Variants in CCDC9B observed in about 807,000 individuals in gnomAD.
The protein encoded by CCDC9B is coiled-coil domain-containing protein 9B.
In CCDC9B, 40 loss-of-function variants were observed where a neutral mutation model predicts 47.2. The observed-to-expected ratio is 0.85, with a 90% CI of 0.66 to 1.10. The LOEUF (loss-of-function observed/expected upper bound fraction) is 1.10, where lower values mean the gene tolerates loss of function less well. Among genes scored for constraint, CCDC9B ranks in the 50% least tolerant of loss-of-function variants. The pLI is 0.00. For missense variants in CCDC9B, 662 were observed against 651.0 expected, an observed-to-expected ratio of 1.02 and a Z score of -0.18; for synonymous variants, 238 against 250.7, an observed-to-expected ratio of 0.95 and a Z score of 0.48.
rs1595714002 is a variant in CCDC9B at position 40,338,530 on chromosome 15, C to T, written c.513+5G>A. Reference sequence around the variant, plus strand: ...CCATGTCCCCATCCCCTCTTGAAGACACACCTTCCGTGCAGAATCTGAGCT... The same window carrying T: ...CCATGTCCCCATCCCCTCTTGAAGATACACCTTCCGTGCAGAATCTGAGCT... On this transcript the variant is annotated splice_donor_5th_base_variant and intron_variant, in intron 5 of 10. Coordinates refer to ENST00000397536, the MANE Select transcript of CCDC9B (RefSeq NM_207380.3). 1.4e-5 allele frequency: 22 copies of T among 1,613,302 alleles called. No individual in the cohort carries two copies. In the East Asian group the frequency reaches 4.9e-4, roughly 36 times the overall value.
Position 40,335,196 on chromosome 15 carries a change from G to A in CCDC9B, c.1435C>T (p.Arg479Cys), listed in dbSNP as rs1197986850. 9 of 1,544,984 alleles carry A rather than the reference G, an allele frequency of 5.8e-6. No homozygotes were observed. The highest frequency in any genetic ancestry group is 7.9e-6 in the Non-Finnish European group (9 of 1,144,200). ...QRSRGTAGVR[R>C]RTGRPGPAGR... ...GCCGGGCCAGGGCGCCCTGTCCTGC[G>A]CCTCACACCTGCTGTGCCTCTCGAC... The change falls in exon 11 of 11, where the codon CGC becomes TGC. Residue 479 changes from arginine (R) to cysteine (C), a missense_variant. Transcript: ENST00000397536.
Position 40,334,846 on chromosome 15 carries a change from A to G in CCDC9B, c.*312T>C, listed in dbSNP as rs893532811. 2.0e-5 allele frequency: 5 copies of G among 248,684 alleles called. No individual in the cohort carries two copies. Among genetic ancestry groups the G allele is most frequent in the African/African-American group, 1.1e-4 (5 of 44,924 alleles). The allele number at this position is 248,684 out of a possible 1,614,324, so 15.4% of individuals were successfully genotyped here. A position where few individuals can be genotyped will look rare whatever the true frequency, so the allele number is the denominator to read the frequency against. On this transcript the variant is annotated 3_prime_UTR_variant, in exon 11 of 11. Coordinates refer to ENST00000397536, the MANE Select transcript of CCDC9B (RefSeq NM_207380.3). ...AAGCCTTGTTCTCTCATCATAGTGGAGAAGGCTTGTGGCCTGGGCAGCAGT... is the reference window on the plus strand; with the variant it reads ...AAGCCTTGTTCTCTCATCATAGTGGGGAAGGCTTGTGGCCTGGGCAGCAGT...
intron 3 of CCDC9B, 62 bp from the exon 4 acceptor site, chr15:40,338,965 C>T (rs1286773770): frequency 1.3e-6 from 2 of 1,590,816 alleles, no homozygotes; most frequent in Non-Finnish European, 1.7e-6. Context: ...GTGCTGGGTC[C>T]TCTCGGTGGT....
chr15:40,335,699 C>T lies in CCDC9B; in HGVS notation c.932G>A (p.Gly311Glu), dbSNP rs1888943068. The change falls in exon 11 of 11, where the codon GGA becomes GAA. Residue 311 changes from glycine (G) to glutamate (E), a missense_variant and splice_region_variant. By Grantham distance (98) the Gly-to-Glu change is moderately conservative (BLOSUM62 -2). Coordinates refer to ENST00000397536, the MANE Select transcript of CCDC9B (RefSeq NM_207380.3). ...GGGAGTCTCTCTGGTGCTTTGGCTT[C>T]CCTGAAACAAGAGAATAGCCCCGGT... ...EDKEELEGQE[G>E]SQSTRETPSE... 21 of 1,565,460 alleles carry T rather than the reference C, an allele frequency of 1.3e-5. No homozygotes were observed. Among genetic ancestry groups the T allele is most frequent in the East Asian group, 2.3e-5 (1 of 42,584 alleles).
Position 40,335,575 on chromosome 15 carries a change from C to T in CCDC9B, c.1056G>A (p.Pro352=), listed in dbSNP as rs776942694. Residue 352 remains proline (P), a synonymous_variant, in exon 11 of 11, where the codon CCG becomes CCA. Coordinates refer to ENST00000397536, the MANE Select transcript of CCDC9B (RefSeq NM_207380.3). ...ASPALASPEG[P]KGESVASTAS... is the part of the protein sequence containing the mutation. ...CTGTGGAAGCCACTGACTCCCCCTT[C>T]GGCCCCTCTGGGGATGCCAGGGCTG... 104 of 1,501,706 alleles carry T rather than the reference C, an allele frequency of 6.9e-5. No individual in the cohort carries two copies. Among genetic ancestry groups the T allele is most frequent in the Non-Finnish European group, 8.8e-5 (99 of 1,124,026 alleles). The allele number at this position is 1,501,706 out of a possible 1,614,324, so 93.0% of individuals were successfully genotyped here.
rs370535419 is a variant in CCDC9B, at chr15:40,340,011, G to C, written c.17C>G (p.Thr6Ser). The part of the protein sequence containing the change: MHSAG[T>S]PRAESPMSRQ... ...GCTCATGGGGGACTCGGCTCTGGGAGTTCCCTGCAGAGGCAGGGAACCCAA... is the reference window on the plus strand; with the variant it reads ...GCTCATGGGGGACTCGGCTCTGGGACTTCCCTGCAGAGGCAGGGAACCCAA... Residue 6 changes from threonine (T) to serine (S), a missense_variant, in exon 2 of 11, where the codon ACT (threonine) becomes AGT (serine). Thr to Ser is a moderately conservative substitution (Grantham distance 58). Coordinates refer to ENST00000397536, the MANE Select transcript of CCDC9B (RefSeq NM_207380.3). 5 of 1,609,748 alleles carry C rather than the reference G, an allele frequency of 3.1e-6. No homozygotes were observed. The African/African-American group carries it at 5.3e-5, about 17-fold the overall frequency.
At chr15:40,337,116 T>A (rs748245) in intron 7 of CCDC9B, 511,155 of 621,170 alleles carry the variant, frequency 0.82, 215,471 homozygotes, top group Non-Finnish European at 0.88. Context: ...ACTTTCACCC[T>A]TTAGGGACCT....
At chr15:40,336,064 C>G (rs1048951690) in intron 9 of CCDC9B, 1 of 985,234 alleles carries the variant, frequency 1.0e-6, no homozygotes, top group African/African-American at 1.7e-5. Context: ...GAGGAGGGGC[C>G]TCCACCTCCT....
intron 5 of CCDC9B, chr15:40,338,197 G>T: frequency 1.4e-6 from 1 of 712,608 alleles, no homozygotes; most frequent in South Asian, 1.5e-5. Flanking sequence ...TGGAAGCTGT[G>T]AGCAAGGGCA....
At position 40,340,864 on chromosome 15, in the gene CCDC9B, G is replaced by A; in HGVS notation, c.-45C>T. The A allele has an allele frequency of 7.5e-6, 12 of 1,609,144 alleles. No individual in the cohort carries two copies. The highest frequency in any genetic ancestry group is 1.0e-5 in the Non-Finnish European group (12 of 1,178,522). On this transcript the variant is annotated 5_prime_UTR_variant, in exon 1 of 11. Coordinates refer to ENST00000397536, the MANE Select transcript of CCDC9B (RefSeq NM_207380.3). ...AGAATTCCAGAGCAGCCCCTGGGGA[G>A]CCAGAGTGGGAGGAAAGCTGGAGCC... is the stretch of plus-strand genomic sequence containing the variant.
chr15:40,339,452 C>T lies in CCDC9B; in HGVS notation c.231+60G>A, dbSNP rs907082444. 1.0e-4 allele frequency: 157 copies of T among 1,564,436 alleles called. 1 individual carries two copies. The Admixed American group carries it at 2.1e-3, about 21-fold the overall frequency. On this transcript the variant is annotated intron_variant, in intron 3 of 10. Transcript: ENST00000397536. ...GGGAACAGAGGCAGCTGTCTTTCCCCGACATGGTCTGGGCCTCCACCTCCT... is the reference window on the plus strand; with the variant it reads ...GGGAACAGAGGCAGCTGTCTTTCCCTGACATGGTCTGGGCCTCCACCTCCT...
chr15:40,336,698 C>T, intron 8 of CCDC9B, 34 bp from the exon 9 acceptor site: 3 of 1,604,798 alleles, frequency 1.9e-6, no homozygotes, highest in Non-Finnish European at 2.6e-6. Context: ...AGAGAAGAGG[C>T]CCATAGCAGC....
intron 7 of CCDC9B, 121 bp downstream of exon 7, chr15:40,337,267 T>C (rs1194646545): frequency 2.1e-6 from 2 of 941,788 alleles, no homozygotes; most frequent in Non-Finnish European, 3.4e-6. Context: ...AAGGAAGATG[T>C]TCTCCAACGC....
chr15:40,337,706 C>A lies in CCDC9B; in HGVS notation c.683+18G>T, dbSNP rs1310000686. On this transcript the variant is annotated intron_variant, in intron 6 of 10. Transcript: ENST00000397536. ...TCCATCCCGCACCACAGGCAACCTG[C>A]CCAACCCAGCCACCCACGTGGACTT... The A allele has an allele frequency of 1.3e-6, 2 of 1,577,268 alleles. No homozygotes were observed. The highest frequency in any genetic ancestry group is 1.2e-5 in the South Asian group (1 of 86,492).
In CCDC9B at chr15:40,337,770, G is replaced by A; in HGVS notation, c.637C>T (p.Gln213Ter). The A allele has an allele frequency of 6.2e-7, 1 of 1,609,628 alleles. No homozygotes were observed. Among genetic ancestry groups the A allele is most frequent in the East Asian group, 2.2e-5 (1 of 44,878 alleles). ...TCCCACGGGCGGCGCCAGTCACCCTGTGCGTCTCTGTGCCGGGCGAGGCGG... is the reference window on the plus strand; with the variant it reads ...TCCCACGGGCGGCGCCAGTCACCCTATGCGTCTCTGTGCCGGGCGAGGCGG... ...LARLARHRDA[Q>*]GDWRRPWDLD... Residue 213 changes from glutamine (Q) to a stop codon, truncating the protein, a stop_gained, in exon 6 of 11, where the codon CAG becomes TAG. Coordinates refer to ENST00000397536, the MANE Select transcript of CCDC9B (RefSeq NM_207380.3). LOFTEE classifies it high-confidence loss of function.
In CCDC9B at chr15:40,338,647, A is replaced by G; in HGVS notation, c.401T>C (p.Val134Ala). The G allele has an allele frequency of 1.2e-6, 2 of 1,614,102 alleles. No homozygotes were observed. The highest frequency in any genetic ancestry group is 8.5e-7 in the Non-Finnish European group (1 of 1,180,002). The change falls in exon 5 of 11, where the codon GTA becomes GCA. Residue 134 changes from valine to alanine, a missense_variant. Coordinates refer to ENST00000397536, the MANE Select transcript of CCDC9B (RefSeq NM_207380.3). ...CCTTGCTCTGGTAGGCTTTTCACTT[A>G]CAATCCGTTTGCCCTGGGGAGGATG... The part of the protein sequence containing the change: ...MENKAEGKRI[V>A]SEKPTRARNQ...
At chr15:40,335,939 G>A in intron 9 of CCDC9B, 113 bp from the exon 10 acceptor site, 1 of 1,529,976 alleles carries the variant, frequency 6.5e-7, no homozygotes, top group Non-Finnish European at 8.8e-7. Flanking sequence ...AGGCTGAGCT[G>A]GGACCCCATG....
In CCDC9B at chr15:40,332,905, C is replaced by G. The variant is rs1888885435; in HGVS notation, c.*2253G>C. The G allele has an allele frequency of 6.6e-6, 1 of 152,150 alleles. No homozygotes were observed. The highest frequency in any genetic ancestry group is 6.5e-5 in the Admixed American group (1 of 15,268). 9.4% of individuals were successfully genotyped at this position (152,150 alleles called of 1,614,324 possible). A position where few individuals can be genotyped will look rare whatever the true frequency, so the allele number is the denominator to read the frequency against. On this transcript the variant is annotated 3_prime_UTR_variant, in exon 11 of 11. Transcript: ENST00000397536. ...AGTCTTTGCCCTGGCATAGGTGTGT[C>G]TCACATACATAGGAATGTTTCCAAG...
rs1396618516 is a variant in CCDC9B at position 40,335,606 on chromosome 15, G to C, written c.1025C>G (p.Ala342Gly). Residue 342 changes from alanine to glycine, a missense_variant, in exon 11 of 11, where the codon GCC (alanine) becomes GGC (glycine). Physicochemically the swap from Ala to Gly is moderately conservative, Grantham distance 60. Coordinates refer to ENST00000397536, the MANE Select transcript of CCDC9B (RefSeq NM_207380.3). ...CTCTGGGGATGCCAGGGCTGGGCTG[G>C]CTGCAGGGGCGCTCCCCAGTCGGCC... Reference protein sequence around the residue: ...EQGRLGSAPAASPALASPEGP... With the variant: ...EQGRLGSAPAGSPALASPEGP... The C allele has an allele frequency of 6.7e-7, 1 of 1,496,922 alleles. No individual in the cohort carries two copies. The highest frequency in any genetic ancestry group is 8.9e-7 in the Non-Finnish European group (1 of 1,119,350). The allele number at this position is 1,496,922 out of a possible 1,614,324, so 92.7% of individuals were successfully genotyped here. A position where few individuals can be genotyped will look rare whatever the true frequency, so the allele number is the denominator to read the frequency against.
Sources: allele counts gnomAD v4.1 joint callset, GRCh38; gene constraint gnomAD v4.1.1; transcripts MANE v1.5; gene names NCBI Gene and HGNC (gene_info 2026-07-23, HGNC 2026-07-21).